The following NT5DC2 variants were observed in gnomAD, a reference collection of about 807,000 sequenced individuals.
NT5DC2 encodes 5'-nucleotidase domain-containing protein 2.
NT5DC2 carries 41 observed loss-of-function variants against 70.0 expected under a neutral mutation model. That is an observed-to-expected ratio of 0.59 (90% CI 0.46 to 0.76). The LOEUF is 0.76. Among genes scored for constraint, NT5DC2 ranks in the 30% least tolerant of loss-of-function variants. The pLI is 0.00. For missense variants in NT5DC2, 705 were observed against 783.2 expected, an observed-to-expected ratio of 0.90 and a Z score of 1.19; for synonymous variants, 299 against 310.4, an observed-to-expected ratio of 0.96 and a Z score of 0.39.
chr3:52,527,538 G>A, intron 9 of NT5DC2, 79 bp downstream of exon 9: 2 of 1,530,522 alleles, frequency 1.3e-6, no homozygotes, highest in Non-Finnish European at 1.8e-6. Context: ...GGCCAGGTTG[G>A]CCTCCTGCTT....
upstream of NT5DC2, chr3:52,534,542 C>T (rs1292906520): frequency 1.9e-6 from 3 of 1,613,302 alleles, no homozygotes; most frequent in African/African-American, 4.0e-5. Context: ...CCCGTCAACT[C>T]CCGGTTTCCC....
Position 52,528,013 on chromosome 3 carries a change from C to A in NT5DC2, c.832G>T (p.Glu278Ter). 1 of 1,612,352 alleles carries A rather than the reference C, an allele frequency of 6.2e-7. No homozygotes were observed. ...LMYQWIEQDM[E>*]KYILRGDETF... Reference sequence around the variant, plus strand: ...CGGCAGGGCTTCTGTCCACACTTACCCATGTCCTGCTCGATCCACTGGTAC... The same window carrying A: ...CGGCAGGGCTTCTGTCCACACTTACACATGTCCTGCTCGATCCACTGGTAC... Residue 278 changes from glutamate to a stop codon, truncating the protein, a stop_gained and splice_region_variant, in exon 7 of 14, where the codon GAG becomes TAG. Coordinates refer to ENST00000422318, the MANE Select transcript of NT5DC2 (RefSeq NM_001134231.2). LOFTEE classifies it high-confidence loss of function.
At chr3:52,530,924 T>C (rs1051836119) in intron 1 of NT5DC2, among the ~76,000 whole-genome samples, 2 of 152,066 alleles carry the variant, frequency 1.3e-5, no homozygotes, top group Admixed American at 1.3e-4. Context: ...ACAGGGTACA[T>C]CTAGTACCCC....
chr3:52,529,409 G>T lies in NT5DC2; in HGVS notation c.233-75C>A. On this transcript the variant is annotated intron_variant, in intron 1 of 13. Coordinates refer to ENST00000422318, the MANE Select transcript of NT5DC2 (RefSeq NM_001134231.2). This position sits in a 1 kb window ranked among gnomAD's most constrained non-coding sequence, Gnocchi z 4.1. ...AGCAGCTATGGCTCCTGAGCACTCT[G>T]TGGGGACCTAGCCCTGTGAGCCTCA... 1 of 1,426,392 alleles carries T rather than the reference G, an allele frequency of 7.0e-7. No individual in the cohort carries two copies. Among genetic ancestry groups the T allele is most frequent in the Non-Finnish European group, 9.7e-7 (1 of 1,032,844 alleles). The allele number at this position is 1,426,392 out of a possible 1,614,324, so 88.4% of individuals were successfully genotyped here.
At position 52,527,144 on chromosome 3, in the gene NT5DC2, C is replaced by G. The variant is rs1341648536; in HGVS notation, c.1119+150G>C. The G allele has an allele frequency of 4.3e-6, 3 of 699,868 alleles. No individual in the cohort carries two copies. The Admixed American group carries it at 7.9e-5, about 18-fold the overall frequency. The allele number at this position is 699,868 out of a possible 1,614,324, so 43.4% of individuals were successfully genotyped here. On this transcript the variant is annotated intron_variant, in intron 10 of 13. Transcript: ENST00000422318. Reference sequence around the variant, plus strand: ...CAGAGGTCAAGCTCTCGAGGCCACCCAGACCTGCTCCCTGCCAGCCATTGC... The same window carrying G: ...CAGAGGTCAAGCTCTCGAGGCCACCGAGACCTGCTCCCTGCCAGCCATTGC...
chr3:52,525,303 G>A lies in NT5DC2; in HGVS notation c.1120-8C>T, dbSNP rs755645809. 1.2e-6 allele frequency: 2 copies of A among 1,610,156 alleles called. No homozygotes were observed. Among genetic ancestry groups the A allele is most frequent in the Non-Finnish European group, 1.7e-6 (2 of 1,178,050 alleles). On this transcript the variant is annotated splice_polypyrimidine_tract_variant and splice_region_variant and intron_variant, in intron 10 of 13. Coordinates refer to ENST00000422318, the MANE Select transcript of NT5DC2 (RefSeq NM_001134231.2). ...GAAGTCAAACAGGTTTCCCTAGGGA[G>A]AGGAGGGGAATGCTGCTGAGCCAAG...
intron 3 of NT5DC2, 82 bp from the exon 4 acceptor site, chr3:52,528,774 A>T: frequency 1.9e-6 from 3 of 1,602,116 alleles, no homozygotes; most frequent in Non-Finnish European, 2.6e-6. Context: ...AGCCCATGCC[A>T]GAACCCCAGC....
chr3:52,534,938 C>A, upstream of NT5DC2: 1 of 413,732 alleles, frequency 2.4e-6, no homozygotes, highest in Non-Finnish European at 4.4e-6. Flanking sequence ...CCCCAGTGAG[C>A]AAGTGGGTGT....
chr3:52,534,603 G>A (rs977281103), upstream of NT5DC2: 1 of 1,613,928 alleles, frequency 6.2e-7, no homozygotes, highest in African/African-American at 1.3e-5. Context: ...ACGTCGACAG[G>A]CTTTCCAACA....
In NT5DC2 at chr3:52,529,400, G is replaced by A; in HGVS notation, c.233-66C>T. 6.7e-7 allele frequency: 1 copy of A among 1,499,768 alleles called. No individual in the cohort carries two copies. Among genetic ancestry groups the A allele is most frequent in the Non-Finnish European group, 9.1e-7 (1 of 1,093,702 alleles). 92.9% of individuals were successfully genotyped at this position (1,499,768 alleles called of 1,614,324 possible). ...GATCCCTGCAGCAGCTATGGCTCCT[G>A]AGCACTCTGTGGGGACCTAGCCCTG... On this transcript the variant is annotated intron_variant, in intron 1 of 13. Coordinates refer to ENST00000422318, the MANE Select transcript of NT5DC2 (RefSeq NM_001134231.2). This position sits in a 1 kb window ranked among gnomAD's most constrained non-coding sequence, Gnocchi z 4.1.
In NT5DC2 at chr3:52,528,647, T is replaced by C. The variant is rs567488297; in HGVS notation, c.538A>G (p.Thr180Ala). ...GCAGAGCCGACTGACCTGTAGGCTG[T>C]CCCCAGCTGCACGTAGTGGAAGGCG... ...IDAFHYVQLG[T>A]AYRGLQPVPD... The change falls in exon 4 of 14, where the codon ACA becomes GCA. Residue 180 changes from threonine (T) to alanine (A), a missense_variant. Physicochemically the swap from Thr to Ala is moderately conservative, Grantham distance 58 (BLOSUM62 0). Coordinates refer to ENST00000422318, the MANE Select transcript of NT5DC2 (RefSeq NM_001134231.2). 4 of 1,583,226 alleles carry C rather than the reference T, an allele frequency of 2.5e-6. No homozygotes were observed. The highest frequency in any genetic ancestry group is 1.9e-4 in the Middle Eastern group (1 of 5,326).
Position 52,528,442 on chromosome 3 carries a change from G to A in NT5DC2, c.642+4C>T. Reference sequence around the variant, plus strand: ...GGCAGGCTGGCTGCTGGGGTATGGAGTACCTTGCCATAGAAGCCACTCATC... The same window carrying A: ...GGCAGGCTGGCTGCTGGGGTATGGAATACCTTGCCATAGAAGCCACTCATC... On this transcript the variant is annotated splice_donor_region_variant and intron_variant, in intron 5 of 13. Coordinates refer to ENST00000422318, the MANE Select transcript of NT5DC2 (RefSeq NM_001134231.2). 1 of 1,613,430 alleles carries A rather than the reference G, an allele frequency of 6.2e-7. No homozygotes were observed. The highest frequency in any genetic ancestry group is 8.5e-7 in the Non-Finnish European group (1 of 1,179,910).
Position 52,525,078 on chromosome 3 carries a change from C to G in NT5DC2, c.1232G>C (p.Arg411Pro). Residue 411 changes from arginine to proline, a missense_variant, in exon 12 of 14, where the codon CGC (arginine) becomes CCC (proline). By Grantham distance (103) the Arg-to-Pro change is moderately radical. Transcript: ENST00000422318. Reference sequence around the variant, plus strand: ...CAGCTCGGGGATGATGGCGCCTGTGCGCCAGCCGTGCCGCAGCATGAGATC... The same window carrying G: ...CAGCTCGGGGATGATGGCGCCTGTGGGCCAGCCGTGCCGCAGCATGAGATC... ...LADLMLRHGW[R>P]TGAIIPELER... 1 of 1,484,506 alleles carries G rather than the reference C, an allele frequency of 6.7e-7. No individual in the cohort carries two copies. Among genetic ancestry groups the G allele is most frequent in the Non-Finnish European group, 9.1e-7 (1 of 1,103,646 alleles). 92.0% of individuals were successfully genotyped at this position (1,484,506 alleles called of 1,614,324 possible).
Position 52,524,959 on chromosome 3 carries a change from A to G in NT5DC2, c.1347+4T>C. ...GGCCCTCCCACAGCCACCCCGGCCC[A>G]CACCTGCATGCGCTCCAGCAGCCCC... On this transcript the variant is annotated splice_donor_region_variant and intron_variant, in intron 12 of 13. Transcript: ENST00000422318. 3.1e-6 allele frequency: 5 copies of G among 1,611,972 alleles called. No homozygotes were observed. The highest frequency in any genetic ancestry group is 4.2e-6 in the Non-Finnish European group (5 of 1,179,696).
At position 52,527,366 on chromosome 3, in the gene NT5DC2, T is replaced by G; in HGVS notation, c.1047A>C (p.Arg349Ser). The change falls in exon 10 of 14, where the codon AGA becomes AGC. Residue 349 changes from arginine (R) to serine (S), a missense_variant. Coordinates refer to ENST00000422318, the MANE Select transcript of NT5DC2 (RefSeq NM_001134231.2). ...GAAGTGAGCCCTTCTCATCGAGTTT[T>G]CTGAAAGGCCTGGGGTGCAGGTAAA... ...SFFTDRRKPF[R>S]KLDEKGSLQW... is the part of the protein sequence containing the mutation. The G allele has an allele frequency of 6.2e-7, 1 of 1,614,134 alleles. No homozygotes were observed. Among genetic ancestry groups the G allele is most frequent in the Admixed American group, 1.7e-5 (1 of 60,018 alleles).
At chr3:52,532,476 G>T (rs2079374115) in intron 1 of NT5DC2, 1 of 985,268 alleles carries the variant, frequency 1.0e-6, no homozygotes, top group South Asian at 4.7e-5. Context: ...GCCTTTACTG[G>T]TCAAGAAGTG....
intron 10 of NT5DC2, 159 bp from the exon 11 acceptor site, chr3:52,525,454 C>T: frequency 3.2e-6 from 2 of 624,690 alleles, no homozygotes; most frequent in Middle Eastern, 3.5e-4. Context: ...TTGTCACTTT[C>T]CCCTCCTACT....
At position 52,524,433 on chromosome 3, in the gene NT5DC2, A is replaced by G. The variant is rs1575380267; in HGVS notation, c.*37T>C. 6.2e-7 allele frequency: 1 copy of G among 1,611,918 alleles called. No homozygotes were observed. The highest frequency in any genetic ancestry group is 1.1e-5 in the South Asian group (1 of 91,072). ...TGCTTGTCTGGGTGGATGGGGCAGG[A>G]GGGGCTGAGGGCCTGTCCCAGACAA... On this transcript the variant is annotated 3_prime_UTR_variant, in exon 14 of 14. Coordinates refer to ENST00000422318, the MANE Select transcript of NT5DC2 (RefSeq NM_001134231.2).
At chr3:52,528,590 G>C (rs1347370070) in intron 4 of NT5DC2, 47 bp downstream of exon 4, 2 of 1,587,130 alleles carry the variant, frequency 1.3e-6, no homozygotes, top group African/African-American at 2.7e-5. Flanking sequence ...AGCCAGAACA[G>C]CAGTGTAGGG....
Sources: gnomAD v4.1 joint callset for allele counts (sites outside exome capture counted in the v4.1 genomes callset) on GRCh38, gnomAD v4.1.1 for gene constraint, Gnocchi (gnomAD v3.1) non-coding constraint, MANE v1.5 for transcripts, NCBI Gene and HGNC (gene_info 2026-07-23, HGNC 2026-07-21) for gene names.